PTPRD: variants seen among roughly 807,000 people sequenced by gnomAD.
PTPRD encodes the protein receptor-type tyrosine-protein phosphatase delta.
PTPRD carries 34 observed loss-of-function variants against 214.5 expected under a neutral mutation model. The observed-to-expected ratio is 0.16, with a 90% CI of 0.12 to 0.21. The LOEUF (loss-of-function observed/expected upper bound fraction) is 0.21, where lower values mean the gene tolerates loss of function less well. Among genes scored for constraint, PTPRD ranks in the 10% least tolerant of loss-of-function variants. The probability of loss-of-function intolerance (pLI) is 1.00; values close to 1 mark genes in which losing one functional copy is unlikely to be tolerated. For missense variants in PTPRD, 2,545 were observed against 2,398.7 expected (o/e 1.06, Z -1.27); for synonymous variants, 1,128 against 845.7 (o/e 1.33, Z -5.79).
chr9:8,330,884 G>C (rs1839870285), intron 44 of PTPRD, among the ~76,000 whole-genome samples: 1 of 150,018 alleles, frequency 6.7e-6, no homozygotes, highest in Non-Finnish European at 1.5e-5. Flanking sequence ...CAAGTTGCCA[G>C]AACCCTAAAA....
intron 39 of PTPRD, among the ~76,000 whole-genome samples, chr9:8,361,374 G>C (rs958155393): frequency 5.9e-5 from 9 of 152,184 alleles, no homozygotes; most frequent in Admixed American, 1.3e-4. Context: ...ATGTTGCTAA[G>C]GACAATTTGG....
At chr9:9,750,869 C>T (rs925943669) in intron 6 of PTPRD, among the ~76,000 whole-genome samples, 3 of 152,046 alleles carry the variant, frequency 2.0e-5, no homozygotes, top group South Asian at 2.1e-4. Flanking sequence ...TGCCCTATTC[C>T]ATTTCTGTGT....
At chr9:9,847,997 A>C (rs1220306640) in intron 5 of PTPRD, among the ~76,000 whole-genome samples, 1 of 152,176 alleles carries the variant, frequency 6.6e-6, no homozygotes, top group Non-Finnish European at 1.5e-5. Context: ...GTGGCAGTCC[A>C]TGTGATTCAC....
At chr9:9,570,741 C>T (rs533617594) in intron 8 of PTPRD, among the ~76,000 whole-genome samples, 3 of 151,422 alleles carry the variant, frequency 2.0e-5, no homozygotes, top group Admixed American at 1.3e-4. Flanking sequence ...TTGATTATTG[C>T]GCTCAATATT....
chr9:10,374,318 A>T (rs2097686941), intron 2 of PTPRD, among the ~76,000 whole-genome samples: 1 of 152,054 alleles, frequency 6.6e-6, no homozygotes, highest in African/African-American at 2.4e-5. Context: ...ATTGTATTTG[A>T]TTTAAGTGAT....
At chr9:8,735,156 T>G (rs576631844) in intron 11 of PTPRD, among the ~76,000 whole-genome samples, 5,317 of 147,582 alleles carry the variant, frequency 0.036, 362 homozygotes, top group African/African-American at 0.12. Flanking sequence ...TTTTCTGTTT[T>G]TTTTTTTGAG....
chr9:9,197,347 T>C (rs2099939184), intron 9 of PTPRD, among the ~76,000 whole-genome samples: 1 of 152,198 alleles, frequency 6.6e-6, no homozygotes, highest in African/African-American at 2.4e-5. Flanking sequence ...TCAACTTCTT[T>C]GACTGGTGGT....
At chr9:9,467,213 CTTTTTTTT>C (rs35659936) in intron 8 of PTPRD, among the ~76,000 whole-genome samples, 3 of 92,890 alleles carry the variant, frequency 3.2e-5, no homozygotes, top group East Asian at 3.6e-4. Flanking sequence ...GTTCATTTAT[CTTTTTTTT>C]TTTTTTTTTT....
chr9:9,834,476 G>A (rs1449045298), intron 5 of PTPRD, among the ~76,000 whole-genome samples: 1 of 151,898 alleles, frequency 6.6e-6, no homozygotes, highest in Non-Finnish European at 1.5e-5. Context: ...CCCCAAATTT[G>A]CCTCATAATC....
At chr9:8,933,791 G>A (rs531868472) in intron 11 of PTPRD, among the ~76,000 whole-genome samples, 1 of 152,118 alleles carries the variant, frequency 6.6e-6, no homozygotes, top group East Asian at 1.9e-4. Flanking sequence ...GTAGCATTTT[G>A]ACCATCTTTA....
chr9:8,407,404 T>A (rs2093097111), intron 35 of PTPRD, among the ~76,000 whole-genome samples: 1 of 152,202 alleles, frequency 6.6e-6, no homozygotes, highest in African/African-American at 2.4e-5. Context: ...CTGTGCTACT[T>A]GGTACTTAAG....
rs2076889186 is a variant in PTPRD, at chr9:10,597,492, T to C, written c.-600+14906A>G. Among the ~76,000 whole-genome samples the C allele has an allele frequency of 3.3e-5, 5 of 151,928 alleles. No individual in the cohort carries two copies. The South Asian group carries it at 1.0e-3, about 31-fold the overall frequency. On this transcript the variant is annotated intron_variant, in intron 2 of 45. Transcript: ENST00000381196. ...TTTTCTTAGCATTGGAATATCAAAT[T>C]AGTAGAAATCAAAAAATGCAGTTGG...
chr9:10,142,539 A>T (rs775324225), intron 3 of PTPRD, among the ~76,000 whole-genome samples: 447 of 152,124 alleles, frequency 2.9e-3, no homozygotes, highest in Non-Finnish European at 5.2e-3. Flanking sequence ...CACCATCACT[A>T]GCCATCAGAG....
At chr9:9,650,584 T>A (rs1229152623) in intron 7 of PTPRD, among the ~76,000 whole-genome samples, 1 of 152,016 alleles carries the variant, frequency 6.6e-6, no homozygotes, top group Non-Finnish European at 1.5e-5. Flanking sequence ...TATATGAACA[T>A]ATGGACACCT....
intron 2 of PTPRD, among the ~76,000 whole-genome samples, chr9:10,356,689 CT>C (rs566439012): frequency 2.7e-5 from 4 of 148,954 alleles, no homozygotes; most frequent in Admixed American, 6.7e-5. Context: ...TTTCTTTTTT[CT>C]TTTTTTTTGA....
intron 5 of PTPRD, among the ~76,000 whole-genome samples, chr9:9,909,317 GT>G (rs71308854): frequency 0.1 from 14,367 of 138,308 alleles, 1,392 homozygotes; most frequent in African/African-American, 0.27. Context: ...TAATCTGAAA[GT>G]TTTTTTTTTT....
At chr9:9,450,193 AT>A (rs1429168081) in intron 8 of PTPRD, among the ~76,000 whole-genome samples, 1 of 151,280 alleles carries the variant, frequency 6.6e-6, no homozygotes, top group African/African-American at 2.4e-5. Context: ...CTGGTTCCAT[AT>A]TTTTGCAATT....
chr9:9,267,392 G>C (rs1198585956), intron 9 of PTPRD, among the ~76,000 whole-genome samples: 1 of 151,172 alleles, frequency 6.6e-6, no homozygotes, highest in Non-Finnish European at 1.5e-5. Context: ...AATGAGTAAG[G>C]AGATTGAATC....
intron 10 of PTPRD, among the ~76,000 whole-genome samples, chr9:9,135,123 G>C (rs1392605216): frequency 1.3e-5 from 2 of 152,064 alleles, no homozygotes; most frequent in Non-Finnish European, 2.9e-5. Flanking sequence ...GTTGTGTCTG[G>C]AATTATAACT....
Sources: allele counts gnomAD v4.1 joint callset (sites outside exome capture counted in the v4.1 genomes callset), GRCh38; gene constraint gnomAD v4.1.1; transcripts MANE v1.5; gene names NCBI Gene and HGNC (gene_info 2026-07-23, HGNC 2026-07-21).